POLA1: variants seen among roughly 807,000 people sequenced by gnomAD.
POLA1 encodes the protein DNA polymerase alpha 1, catalytic subunit.
In POLA1, 15 loss-of-function variants were observed where a neutral mutation model predicts 124.0. The ratio of observed to expected loss-of-function variants is 0.12; its 90% confidence interval spans 0.08 to 0.19. The LOEUF is 0.19. POLA1 is among the 10% of genes least tolerant of loss of function. POLA1 has a pLI of 1.00. For missense variants in POLA1, 886 were observed against 1,103.4 expected (o/e 0.80, Z 2.79); for synonymous variants, 408 against 389.4 (o/e 1.05, Z -0.56).
chrX:24,911,193 A>C (rs2047444166), intron 35 of POLA1, among the ~76,000 whole-genome samples: 1 of 112,065 alleles, frequency 8.9e-6, no homozygotes, highest in African/African-American at 3.2e-5. Flanking sequence ...GAAAATGAAA[A>C]TATCAGACAG....
At chrX:24,921,033 C>T (rs2047608831) in intron 35 of POLA1, among the ~76,000 whole-genome samples, 1 of 111,702 alleles carries the variant, frequency 9.0e-6, no homozygotes, top group Admixed American at 9.5e-5. Flanking sequence ...TTCAAACAAA[C>T]CATAGCTACC....
chrX:24,854,719 C>A (rs903183607), intron 34 of POLA1, among the ~76,000 whole-genome samples: 2 of 109,905 alleles, frequency 1.8e-5, no homozygotes, highest in South Asian at 7.9e-4. Context: ...ATCCTAGCTA[C>A]TTGGGAGGCT....
intron 36 of POLA1, among the ~76,000 whole-genome samples, chrX:24,965,806 C>T (rs2147265419): frequency 8.9e-6 from 1 of 112,215 alleles, no homozygotes; most frequent in African/African-American, 3.2e-5. Flanking sequence ...AGAGTGATTC[C>T]AGGAAAGTTT....
intron 34 of POLA1, among the ~76,000 whole-genome samples, chrX:24,869,974 C>G (rs149600311): frequency 5.4e-4 from 61 of 112,162 alleles, no homozygotes; most frequent in African/African-American, 1.9e-3. Flanking sequence ...GTGATTCATA[C>G]AAATATGTAC....
chrX:24,798,269 G>A (rs2045645721), intron 26 of POLA1, among the ~76,000 whole-genome samples: 1 of 111,268 alleles, frequency 9.0e-6, no homozygotes, highest in African/African-American at 3.3e-5. Flanking sequence ...TGATAAATGG[G>A]AATATGTCAT....
At chrX:24,915,180 T>G (rs1338168752) in intron 35 of POLA1, among the ~76,000 whole-genome samples, 1 of 111,909 alleles carries the variant, frequency 8.9e-6, no homozygotes, top group African/African-American at 3.2e-5. Context: ...CCCACCCACC[T>G]ATTACAATTC....
chrX:24,784,039 T>C (rs2045316075), intron 26 of POLA1, among the ~76,000 whole-genome samples: 1 of 107,511 alleles, frequency 9.3e-6, no homozygotes, highest in South Asian at 4.1e-4. Flanking sequence ...TTTATCATTT[T>C]ATCTGCAAGA....
chrX:24,873,507 A>G (rs920107298), intron 34 of POLA1, among the ~76,000 whole-genome samples: 2 of 112,151 alleles, frequency 1.8e-5, no homozygotes, highest in African/African-American at 6.5e-5. Context: ...TTACTATCAT[A>G]TAATAGAATT....
chrX:24,751,070 T>C (rs186053858), intron 26 of POLA1, among the ~76,000 whole-genome samples: 42 of 112,255 alleles, frequency 3.7e-4, no homozygotes, highest in African/African-American at 1.3e-3. Context: ...ATGCCCCAAC[T>C]GGGTGATAAT....
intron 36 of POLA1, among the ~76,000 whole-genome samples, chrX:24,951,434 A>G (rs1343662300): frequency 9.9e-6 from 1 of 101,037 alleles, no homozygotes; most frequent in Admixed American, 1.2e-4. Context: ...GCACACAGGC[A>G]ACTCTGCAGC....
intron 32 of POLA1, among the ~76,000 whole-genome samples, chrX:24,838,492 C>T (rs760216886): frequency 1.8e-5 from 2 of 112,228 alleles, no homozygotes; most frequent in African/African-American, 6.5e-5. Context: ...ACTTAAGTCA[C>T]CTGTCAAGAG....
chrX:24,964,756 T>G (rs191287642), intron 36 of POLA1, among the ~76,000 whole-genome samples: 1 of 112,317 alleles, frequency 8.9e-6, no homozygotes, highest in East Asian at 2.8e-4. Flanking sequence ...GAGCATAACA[T>G]TTGTAGCTGT....
chrX:24,709,265 G>A (rs1162811369), intron 4 of POLA1, among the ~76,000 whole-genome samples: 2 of 94,782 alleles, frequency 2.1e-5, no homozygotes, highest in African/African-American at 8.8e-5. Flanking sequence ...CCTCCCTCCC[G>A]GACGGCACGG....
At chrX:24,716,647 G>A (rs1448786807) in intron 7 of POLA1, among the ~76,000 whole-genome samples, 193 bp downstream of exon 7, 2 of 112,103 alleles carry the variant, frequency 1.8e-5, no homozygotes, top group Non-Finnish European at 3.8e-5. Flanking sequence ...TAAATTTGCA[G>A]TAACTAGTGT....
chrX:24,972,167 C>T (rs1171993603), intron 36 of POLA1, among the ~76,000 whole-genome samples: 2 of 110,769 alleles, frequency 1.8e-5, no homozygotes, highest in East Asian at 2.8e-4. Context: ...GACAGGGTTT[C>T]ACCATGCTGG....
At chrX:24,811,075 G>A (rs146665771) in intron 28 of POLA1, among the ~76,000 whole-genome samples, 2,065 of 110,292 alleles carry the variant, frequency 0.019, 46 homozygotes, top group African/African-American at 0.065. Context: ...TCAGCCTCCC[G>A]AGTAGCTGGG....
intron 34 of POLA1, among the ~76,000 whole-genome samples, chrX:24,863,264 C>CG (rs1278340208): frequency 9.3e-6 from 1 of 107,796 alleles, no homozygotes; most frequent in Non-Finnish European, 1.9e-5. Context: ...GTATGCCCCC[C>CG]CCCATCTTCC....
At chrX:24,703,803 G>A (rs1465298726) in intron 3 of POLA1, among the ~76,000 whole-genome samples, 1 of 111,889 alleles carries the variant, frequency 8.9e-6, no homozygotes, top group African/African-American at 3.3e-5. Flanking sequence ...GAGTTGTGAG[G>A]TGTATATGAG....
rs560845072 is a variant in POLA1, at chrX:24,919,445, C to G, written c.4165-11008C>G. Among the ~76,000 whole-genome samples, 4 of 111,350 alleles carry G rather than the reference C, an allele frequency of 3.6e-5. No individual in the cohort carries two copies. The East Asian group carries it at 1.1e-3, about 31-fold the overall frequency. ...CAGTGCCTTGAGGTCATGTTCCCCC[C>G]CACCACCACCATTTACAAATGAAAG... On this transcript the variant is annotated intron_variant, in intron 35 of 36. Coordinates refer to ENST00000379068, the MANE Select transcript of POLA1 (RefSeq NM_001330360.2).
Sources: gnomAD v4.1 joint callset for allele counts (sites outside exome capture counted in the v4.1 genomes callset) on GRCh38, gnomAD v4.1.1 for gene constraint, MANE v1.5 for transcripts, NCBI Gene and HGNC (gene_info 2026-07-23, HGNC 2026-07-21) for gene names.